The following ABI3BP variants were observed in gnomAD, a reference collection of about 807,000 sequenced individuals.
The protein encoded by ABI3BP is ABI family member 3 binding protein, also known as target of Nesh-SH3.
A neutral mutation model predicts 268.6 loss-of-function variants in ABI3BP; 216 were observed. The ratio of observed to expected loss-of-function variants is 0.80; its 90% confidence interval spans 0.72 to 0.90. The LOEUF (loss-of-function observed/expected upper bound fraction) is 0.90, where lower values mean the gene tolerates loss of function less well. Among genes scored for constraint, ABI3BP ranks in the 40% least tolerant of loss-of-function variants. The pLI, the probability that ABI3BP is intolerant of heterozygous loss-of-function variation, is 0.00. For missense variants in ABI3BP, 2,090 were observed against 2,182.4 expected, an observed-to-expected ratio of 0.96 and a Z score of 0.84; for synonymous variants, 730 against 730.0, an observed-to-expected ratio of 1.00 and a Z score of 0.00.
At chr3:100,860,203 C>A (rs930661421) in intron 14 of ABI3BP, among the ~76,000 whole-genome samples, 4 of 152,178 alleles carry the variant, frequency 2.6e-5, no homozygotes, top group African/African-American at 9.7e-5. Flanking sequence ...CCGGGTGATG[C>A]CAAATGCTAT....
chr3:100,871,623 C>T (rs570173545), intron 9 of ABI3BP, among the ~76,000 whole-genome samples: 1 of 152,258 alleles, frequency 6.6e-6, no homozygotes, highest in East Asian at 1.9e-4. Flanking sequence ...TCTCTTTTTG[C>T]CTGCTGCCAT....
intron 38 of ABI3BP, 117 bp from the exon 39 acceptor site, chr3:100,821,230 C>T: frequency 4.7e-6 from 4 of 853,002 alleles, no homozygotes; most frequent in South Asian, 1.8e-5. Flanking sequence ...ATATAGCAAC[C>T]TTTAAAAACT....
At chr3:100,966,748 C>T (rs1217747567) in intron 1 of ABI3BP, among the ~76,000 whole-genome samples, 2 of 152,070 alleles carry the variant, frequency 1.3e-5, no homozygotes, top group Non-Finnish European at 2.9e-5. Context: ...TGAGAATGTC[C>T]TTCTTCTTCT....
At chr3:100,837,829 GTCT>G (rs1247820124) in intron 26 of ABI3BP, among the ~76,000 whole-genome samples, 2 of 152,170 alleles carry the variant, frequency 1.3e-5, no homozygotes, top group Admixed American at 6.6e-5. Flanking sequence ...TGACTAGCAA[GTCT>G]TCTTTTCAGT....
intron 66 of ABI3BP, 189 bp downstream of exon 66, chr3:100,752,598 C>T (rs981207590): frequency 2.0e-5 from 11 of 543,314 alleles, no homozygotes; most frequent in African/African-American, 1.9e-4. Context: ...TATTTACCTT[C>T]TAATAGCATG....
In ABI3BP at chr3:100,880,219, G is replaced by C. The variant is rs554103611; in HGVS notation, c.697-3659C>G. 5.3e-5 allele frequency among the ~76,000 whole-genome samples: 8 copies of C among 152,258 alleles called. No individual in the cohort carries two copies. In the East Asian group the frequency reaches 1.2e-3, roughly 22 times the overall value. On this transcript the variant is annotated intron_variant, in intron 6 of 67. Transcript: ENST00000471714. ...GAAGGAGGCAGTGACAGCCCCGCAG[G>C]CTCCCACACTGTTTTGGCTGGTGTG... is the stretch of plus-strand genomic sequence containing the variant.
In ABI3BP at chr3:100,897,635, T is replaced by C. The variant is rs553136094; in HGVS notation, c.461+1127A>G. ...CTAATCTATGGTGATAGAAATCAAATCAATGGTTGTTTCTGGAGGAAAGTA... is the reference window on the plus strand; with the variant it reads ...CTAATCTATGGTGATAGAAATCAAACCAATGGTTGTTTCTGGAGGAAAGTA... On this transcript the variant is annotated intron_variant, in intron 4 of 67. Coordinates refer to ENST00000471714, the MANE Select transcript of ABI3BP (RefSeq NM_001375547.2). 5.9e-5 allele frequency among the ~76,000 whole-genome samples: 9 copies of C among 152,284 alleles called. No individual in the cohort carries two copies. The East Asian group carries it at 1.5e-3, about 26-fold the overall frequency.
intron 29 of ABI3BP, among the ~76,000 whole-genome samples, chr3:100,833,779 C>T (rs570373199): frequency 5.4e-4 from 82 of 152,274 alleles, no homozygotes; most frequent in Non-Finnish European, 7.5e-4. Context: ...ATCCAATCAT[C>T]GAAGTCAGGC....
chr3:100,930,477 C>A (rs1001586539), intron 1 of ABI3BP, among the ~76,000 whole-genome samples: 1 of 151,646 alleles, frequency 6.6e-6, no homozygotes, highest in African/African-American at 2.4e-5. Flanking sequence ...TTAAGAAATT[C>A]TTTTAAAAAA....
At chr3:100,771,198 C>A (rs2096534865) in intron 61 of ABI3BP, among the ~76,000 whole-genome samples, 1 of 152,024 alleles carries the variant, frequency 6.6e-6, no homozygotes. Flanking sequence ...TAATTTGATC[C>A]CCCTAAGCAT....
chr3:100,782,930 G>A (rs1312652522), intron 57 of ABI3BP, among the ~76,000 whole-genome samples: 2 of 152,058 alleles, frequency 1.3e-5, no homozygotes, highest in Non-Finnish European at 2.9e-5. Flanking sequence ...AGTCAGCTCT[G>A]TAAGCATCAA....
Position 100,911,634 on chromosome 3 carries a change from G to A in ABI3BP, c.260-8948C>T, listed in dbSNP as rs140614121. 978 of 710,000 alleles carry A rather than the reference G, an allele frequency of 1.4e-3. 7 individuals are homozygous for A. In the African/African-American group the frequency reaches 0.014, roughly 10 times the overall value. The allele number at this position is 710,000 out of a possible 1,614,324, so 44.0% of individuals were successfully genotyped here. On this transcript the variant is annotated intron_variant, in intron 2 of 67. Transcript: ENST00000471714. Reference sequence around the variant, plus strand: ...TACTGCTTGGCTAAAACCAGTGGATGTAGAGGAACCTGATACAGTTTTATA... The same window carrying A: ...TACTGCTTGGCTAAAACCAGTGGATATAGAGGAACCTGATACAGTTTTATA...
At position 100,958,328 on chromosome 3, in the gene ABI3BP, A is replaced by C. The variant is rs1022474208; in HGVS notation, c.80-31847T>G. On this transcript the variant is annotated intron_variant, in intron 1 of 67. Coordinates refer to ENST00000471714, the MANE Select transcript of ABI3BP (RefSeq NM_001375547.2). ...AGTGAGTGTGGAGAGACAAAGCAAC[A>C]GTTTGAACAAGTATTTCCTTTGCTG... is the stretch of plus-strand genomic sequence containing the variant. Among the ~76,000 whole-genome samples the C allele has an allele frequency of 2.6e-5, 4 of 152,214 alleles. No individual in the cohort carries two copies. The East Asian group carries it at 7.7e-4, about 29-fold the overall frequency.
chr3:100,899,197 G>T (rs1257389433), intron 3 of ABI3BP, among the ~76,000 whole-genome samples: 2 of 152,098 alleles, frequency 1.3e-5, no homozygotes, highest in African/African-American at 4.8e-5. Flanking sequence ...TTATTTTCTT[G>T]TGGGTCAGGG....
intron 1 of ABI3BP, among the ~76,000 whole-genome samples, chr3:100,933,626 A>T: frequency 1.9e-5 from 1 of 52,458 alleles, no homozygotes; most frequent in Non-Finnish European, 4.2e-5. Flanking sequence ...GGGAGACAAT[A>T]TTTGCAATAT....
intron 1 of ABI3BP, among the ~76,000 whole-genome samples, chr3:100,941,142 C>T (rs73143062): frequency 0.12 from 17,965 of 151,558 alleles, 1,347 homozygotes; most frequent in Middle Eastern, 0.2. Flanking sequence ...CAAAACTTTA[C>T]TTATACATGA....
intron 59 of ABI3BP, among the ~76,000 whole-genome samples, chr3:100,775,933 G>T (rs1490410822): frequency 6.6e-6 from 1 of 152,152 alleles, no homozygotes; most frequent in African/African-American, 2.4e-5. Flanking sequence ...GATGTAAGGG[G>T]TGGACATGAG....
intron 20 of ABI3BP, chr3:100,844,063 AC>A: frequency 4.1e-6 from 4 of 981,724 alleles, no homozygotes; most frequent in Non-Finnish European, 4.8e-6. Flanking sequence ...ATATCTTCTG[AC>A]ACGCCTTCTA....
intron 14 of ABI3BP, among the ~76,000 whole-genome samples, chr3:100,860,498 C>T (rs1046153951): frequency 1.3e-5 from 2 of 152,184 alleles, no homozygotes; most frequent in Non-Finnish European, 2.9e-5. Flanking sequence ...CCAGAATATT[C>T]CTTTTTTGAA....
Sources: allele counts gnomAD v4.1 joint callset (sites outside exome capture counted in the v4.1 genomes callset), GRCh38; gene constraint gnomAD v4.1.1; transcripts MANE v1.5; gene names NCBI Gene and HGNC (gene_info 2026-07-23, HGNC 2026-07-21).